Variants in GARIN1A observed in about 807,000 individuals in gnomAD.
GARIN1A encodes golgi associated RAB2 interactor 1A.
the GARIN1A span, among the ~76,000 whole-genome samples, chr7:128,704,867 C>T: frequency 2.0e-5 from 3 of 152,158 alleles, no homozygotes; most frequent in Admixed American, 6.6e-5. Flanking sequence ...GGTAAATTTG[C>T]TTCTTACACA....
chr7:128,686,899 C>A, the GARIN1A span: 1 of 152,238 alleles, frequency 6.6e-6, no homozygotes, highest in Non-Finnish European at 1.5e-5. Flanking sequence ...ATATATCTGA[C>A]TGAGTTTCCT....
chr7:128,703,594 T>C, the GARIN1A span, among the ~76,000 whole-genome samples: 8 of 152,180 alleles, frequency 5.3e-5, no homozygotes, highest in Admixed American at 5.2e-4. Flanking sequence ...CTGGGCAACA[T>C]AGAGAGATCC....
At chr7:128,700,755 G>A in the GARIN1A span, among the ~76,000 whole-genome samples, 1 of 152,152 alleles carries the variant, frequency 6.6e-6, no homozygotes, top group Non-Finnish European at 1.5e-5. Flanking sequence ...TAATGGCCAA[G>A]AATTTCTCAG....
chr7:128,703,074 A>C, the GARIN1A span, among the ~76,000 whole-genome samples: 1 of 152,378 alleles, frequency 6.6e-6, no homozygotes, highest in African/African-American at 2.4e-5. Flanking sequence ...AGAAAAATAA[A>C]AGACAAGTTC....
chr7:128,685,961 T>A, the GARIN1A span: 1 of 152,302 alleles, frequency 6.6e-6, no homozygotes, highest in Non-Finnish European at 1.5e-5. Flanking sequence ...AGGCCTGTAA[T>A]CCCAGCACTT....
chr7:128,682,838 A>G, the GARIN1A span: 5 of 667,042 alleles, frequency 7.5e-6, no homozygotes, highest in South Asian at 1.1e-4. Flanking sequence ...CGGCCTCCCA[A>G]AGTGCTAGGA....
At chr7:128,680,471 A>G in the GARIN1A span, among the ~76,000 whole-genome samples, 2 of 152,050 alleles carry the variant, frequency 1.3e-5, no homozygotes, top group African/African-American at 4.8e-5. Context: ...ACTATTTCCA[A>G]TCCAAGCTCA....
the GARIN1A span, among the ~76,000 whole-genome samples, chr7:128,671,694 T>C: frequency 3.3e-5 from 5 of 151,710 alleles, no homozygotes; most frequent in African/African-American, 4.8e-5. Context: ...TAACAACTGG[T>C]TTGTAGCATT....
chr7:128,672,559 G>A, the GARIN1A span: 19 of 1,597,316 alleles, frequency 1.2e-5, no homozygotes, highest in African/African-American at 2.7e-5. Context: ...AGGTACCCTC[G>A]TGGAGCTCAG....
the GARIN1A span, among the ~76,000 whole-genome samples, chr7:128,679,237 G>A: frequency 6.6e-5 from 10 of 151,566 alleles, no homozygotes; most frequent in African/African-American, 2.4e-4. Context: ...TCTGTCACCA[G>A]GCTAGAGTGC....
chr7:128,672,431 AG>A, the GARIN1A span: 18 of 1,609,120 alleles, frequency 1.1e-5, no homozygotes, highest in Non-Finnish European at 1.5e-5. Flanking sequence ...ACCTGAGGTC[AG>A]GGAACCAGGC....
At chr7:128,704,308 C>CTT in the GARIN1A span, among the ~76,000 whole-genome samples, 113 of 137,246 alleles carry the variant, frequency 8.2e-4, 3 homozygotes, top group South Asian at 4.9e-3. Context: ...TTAGAGTAAC[C>CTT]TTTTTTTTTT....
At chr7:128,689,595 G>A in the GARIN1A span, among the ~76,000 whole-genome samples, 2 of 143,722 alleles carry the variant, frequency 1.4e-5, no homozygotes, top group African/African-American at 5.3e-5. Flanking sequence ...CCCTCCGCCC[G>A]GCAGCCGCCC....
the GARIN1A span, chr7:128,679,900 AG>A: frequency 1.2e-5 from 6 of 518,624 alleles, no homozygotes; most frequent in South Asian, 1.9e-4. Context: ...TTAATGCTGA[AG>A]GAACAGGTTC....
At chr7:128,704,020 G>A in the GARIN1A span, among the ~76,000 whole-genome samples, 1 of 152,160 alleles carries the variant, frequency 6.6e-6, no homozygotes, top group Admixed American at 6.5e-5. Flanking sequence ...AACCCAGGTT[G>A]GAATGCAGAC....
At chr7:128,674,958 G>A in the GARIN1A span, among the ~76,000 whole-genome samples, 1 of 152,180 alleles carries the variant, frequency 6.6e-6, no homozygotes, top group Non-Finnish European at 1.5e-5. Context: ...AGAGCATTGG[G>A]AGAAGGCCCT....
the GARIN1A span, among the ~76,000 whole-genome samples, chr7:128,679,460 G>C: frequency 6.6e-6 from 1 of 151,986 alleles, no homozygotes; most frequent in Non-Finnish European, 1.5e-5. Flanking sequence ...TAAAGTGCTG[G>C]GATTACAGGT....
the GARIN1A span, among the ~76,000 whole-genome samples, chr7:128,703,670 G>A: frequency 2.1e-4 from 32 of 152,060 alleles, no homozygotes; most frequent in African/African-American, 6.8e-4. Flanking sequence ...CTACTGACTC[G>A]TGAGGCTGAG....
chr7:128,699,666 T>G, the GARIN1A span, among the ~76,000 whole-genome samples: 1 of 152,238 alleles, frequency 6.6e-6, no homozygotes, highest in African/African-American at 2.4e-5. Flanking sequence ...AATTTCCCTA[T>G]GTACTTAAAA....
Sources: allele counts gnomAD v4.1 joint callset (sites outside exome capture counted in the v4.1 genomes callset), GRCh38; gene constraint gnomAD v4.1.1; transcripts MANE v1.5; gene names NCBI Gene and HGNC (gene_info 2026-07-23, HGNC 2026-07-21).